The following SOX5 variants were observed in gnomAD, a reference collection of about 807,000 sequenced individuals.
SOX5 encodes transcription factor SOX-5.
Under a neutral mutation model 92.0 loss-of-function variants are expected in SOX5, and 9 were observed. The ratio of observed to expected loss-of-function variants is 0.10; its 90% CI spans 0.06 to 0.17. The LOEUF is 0.17. SOX5 is among the 10% of genes least tolerant of loss of function. The pLI, the probability that SOX5 is intolerant of heterozygous loss-of-function variation, is 1.00. For synonymous variants in SOX5, 344 were observed against 336.3 expected (o/e 1.02, Z -0.25); for missense variants, 642 against 944.5 (o/e 0.68, Z 4.20).
chr12:23,779,192 G>A (rs182449134), intron 3 of SOX5, among the ~76,000 whole-genome samples: 361 of 152,118 alleles, frequency 2.4e-3, no homozygotes, highest in Non-Finnish European at 4.3e-3. Flanking sequence ...CTCACCTAAT[G>A]TAGGCCTTAA....
intron 1 of SOX5, among the ~76,000 whole-genome samples, chr12:23,916,403 C>A (rs2097418038): frequency 6.6e-6 from 1 of 152,050 alleles, no homozygotes; most frequent in South Asian, 2.1e-4. Flanking sequence ...CAGCAAAAAG[C>A]AGGATGAAAT....
intron 2 of SOX5, among the ~76,000 whole-genome samples, chr12:23,857,586 C>G (rs183553791): frequency 1.3e-5 from 2 of 152,260 alleles, no homozygotes; most frequent in Admixed American, 1.3e-4. Flanking sequence ...CCTCTTCATC[C>G]ATAGCCTGGT....
intron 9 of SOX5, among the ~76,000 whole-genome samples, chr12:23,596,735 T>C (rs1952528005): frequency 6.6e-6 from 1 of 152,210 alleles, no homozygotes; most frequent in Non-Finnish European, 1.5e-5. Context: ...AAACGTACTT[T>C]TGCTTTCTCA....
intron 1 of SOX5, among the ~76,000 whole-genome samples, chr12:23,946,745 CA>C (rs1007504188): frequency 1.3e-5 from 2 of 151,906 alleles, no homozygotes; most frequent in African/African-American, 4.8e-5. Flanking sequence ...ACTTTCCTTA[CA>C]AATAATTTTT....
intron 1 of SOX5, among the ~76,000 whole-genome samples, chr12:23,948,951 C>T (rs1213675905): frequency 2.0e-5 from 3 of 152,162 alleles, no homozygotes; most frequent in Non-Finnish European, 4.4e-5. Context: ...AAGGGAACAG[C>T]TCCATTTATC....
At chr12:23,923,411 A>G (rs1242759838) in intron 1 of SOX5, among the ~76,000 whole-genome samples, 3 of 152,218 alleles carry the variant, frequency 2.0e-5, no homozygotes, top group Non-Finnish European at 4.4e-5. Context: ...AATGCAAGGT[A>G]GGGAATCGGT....
At chr12:23,950,743 A>G, upstream of SOX5, 1 of 829,232 alleles carries the variant, frequency 1.2e-6, no homozygotes, top group Non-Finnish European at 2.0e-6. Context: ...CTGGCTGGCA[A>G]GGCACAGCCT....
chr12:24,063,855 C>T (rs1940185373), intron 4 of SOX5, among the ~76,000 whole-genome samples: 1 of 152,188 alleles, frequency 6.6e-6, no homozygotes, highest in Admixed American at 6.5e-5. Flanking sequence ...CTCTGGGCCT[C>T]TGTTTTCATC....
At chr12:24,495,894 G>A (rs1947584103) in intron 1 of SOX5, among the ~76,000 whole-genome samples, 1 of 152,124 alleles carries the variant, frequency 6.6e-6, no homozygotes, top group Non-Finnish European at 1.5e-5. Flanking sequence ...CAAAGATGAG[G>A]TTGGGATTTT....
At chr12:24,455,936 C>T (rs927309350) in intron 1 of SOX5, among the ~76,000 whole-genome samples, 2 of 152,154 alleles carry the variant, frequency 1.3e-5, no homozygotes, top group African/African-American at 4.8e-5. Flanking sequence ...TCTGCGAGGC[C>T]ATGCAGTCCA....
At chr12:23,779,814 T>TACACACACACAC (rs1555337311) in intron 3 of SOX5, among the ~76,000 whole-genome samples, 9 of 110,792 alleles carry the variant, frequency 8.1e-5, no homozygotes, top group African/African-American at 1.5e-4. Flanking sequence ...TATATATATA[T>TACACACACACAC]ACACACACAC....
At chr12:23,730,614 T>C (rs1347523576) in intron 6 of SOX5, among the ~76,000 whole-genome samples, 1 of 152,178 alleles carries the variant, frequency 6.6e-6, no homozygotes, top group Admixed American at 6.6e-5. Flanking sequence ...AAATGTAGAT[T>C]GAGTTTTTAA....
chr12:23,594,457 A>T (rs1952051663), intron 9 of SOX5, among the ~76,000 whole-genome samples: 1 of 152,118 alleles, frequency 6.6e-6, no homozygotes, highest in Non-Finnish European at 1.5e-5. Context: ...CATCCAGGAT[A>T]TGTCACTGGG....
chr12:24,229,777 T>C (rs1353114178), intron 3 of SOX5, among the ~76,000 whole-genome samples: 2 of 152,154 alleles, frequency 1.3e-5, no homozygotes, highest in Admixed American at 1.3e-4. Flanking sequence ...ACCCGGCTAA[T>C]AGGCTGGGCA....
chr12:24,444,732 G>A (rs182382979), intron 1 of SOX5, among the ~76,000 whole-genome samples: 36 of 152,284 alleles, frequency 2.4e-4, no homozygotes, highest in Non-Finnish European at 5.0e-4. Flanking sequence ...GCTAAATGGG[G>A]AGGTATATAG....
chr12:24,115,764 C>A (rs1316183725), intron 4 of SOX5, among the ~76,000 whole-genome samples: 1 of 152,068 alleles, frequency 6.6e-6, no homozygotes, highest in East Asian at 1.9e-4. Flanking sequence ...CATAACAATG[C>A]AAATAGTGTT....
chr12:24,491,503 T>C (rs1020905595), intron 1 of SOX5, among the ~76,000 whole-genome samples: 2 of 152,110 alleles, frequency 1.3e-5, no homozygotes, highest in Admixed American at 6.5e-5. Context: ...AAATGATAAA[T>C]TATGGATTTC....
intron 4 of SOX5, among the ~76,000 whole-genome samples, chr12:24,026,034 T>C (rs1954830588): frequency 6.6e-6 from 1 of 152,116 alleles, no homozygotes; most frequent in Admixed American, 6.6e-5. Context: ...GCTCAGCATC[T>C]ATTTAAATGA....
Position 23,567,705 on chromosome 12 carries a change from C to T in SOX5, c.1343-4302G>A, listed in dbSNP as rs137966674. Among the ~76,000 whole-genome samples the T allele has an allele frequency of 2.2e-3, 328 of 152,144 alleles. 2 individuals carry two copies. The highest frequency in any genetic ancestry group is 0.014 in the Middle Eastern group (4 of 294). ...TCCTGGATTCACACAATTCTCCTGCCTTGGCCTCCCAAAGTGCTAGGATTA... is the reference window on the plus strand; with the variant it reads ...TCCTGGATTCACACAATTCTCCTGCTTTGGCCTCCCAAAGTGCTAGGATTA... On this transcript the variant is annotated intron_variant, in intron 10 of 14. Coordinates refer to ENST00000451604, the MANE Select transcript of SOX5 (RefSeq NM_006940.6).
Sources: allele counts gnomAD v4.1 joint callset (sites outside exome capture counted in the v4.1 genomes callset), GRCh38; gene constraint gnomAD v4.1.1; transcripts MANE v1.5; gene names NCBI Gene and HGNC (gene_info 2026-07-23, HGNC 2026-07-21).